Variants in DST observed in about 807,000 individuals in gnomAD.
DST encodes dystonin.
A neutral mutation model predicts 875.2 loss-of-function variants in DST; 253 were observed. The ratio of observed to expected loss-of-function variants is 0.29; its 90% CI spans 0.26 to 0.32. The LOEUF (loss-of-function observed/expected upper bound fraction) is 0.32. Ranked by LOEUF, DST falls within the 10% of genes least tolerant of loss-of-function variation. DST has a pLI of 1.00. For missense variants in DST, 8,287 were observed against 9,111.6 expected, an observed-to-expected ratio of 0.91 and a Z score of 3.68; for synonymous variants, 3,124 against 3,197.1, an observed-to-expected ratio of 0.98 and a Z score of 0.77.
rs1456931955 is a variant in DST, at chr6:56,584,672, A to T, written c.12904-5735T>A. Among the ~76,000 whole-genome samples the T allele has an allele frequency of 2.6e-5, 4 of 151,900 alleles. No individual in the cohort carries two copies. In the South Asian group the frequency reaches 8.3e-4, roughly 31 times the overall value. ...AGAGAGGGCATCCCTGTCTTGTGCC[A>T]GTTTTCAAAGGGAATGCTTCCCGTT... On this transcript the variant is annotated intron_variant, in intron 49 of 103. Coordinates refer to ENST00000680361, the MANE Select transcript of DST (RefSeq NM_001374736.1).
At chr6:56,770,277 G>T (rs1210480102) in intron 4 of DST, among the ~76,000 whole-genome samples, 2 of 152,178 alleles carry the variant, frequency 1.3e-5, no homozygotes, top group Non-Finnish European at 2.9e-5. Context: ...GGTACAGCCA[G>T]GTTTTCAACA....
intron 10 of DST, among the ~76,000 whole-genome samples, chr6:56,657,569 C>T (rs1172673541): frequency 6.6e-6 from 1 of 151,730 alleles, no homozygotes; most frequent in African/African-American, 2.4e-5. Flanking sequence ...TGGTTGTCAA[C>T]GGGTGGGGGG....
Position 56,476,272 on chromosome 6 carries a change from T to C in DST, c.21741A>G (p.Lys7247=), listed in dbSNP as rs147702968. The change falls in exon 92 of 104, where the codon AAA becomes AAG. Residue 7247 remains lysine, a synonymous_variant. Coordinates refer to ENST00000680361, the MANE Select transcript of DST (RefSeq NM_001374736.1). The part of the protein sequence containing the change: ...LASALAGLIA[K]QELLEALLAW... Reference sequence around the variant, plus strand: ...CCAGCAAAGCTTCCAACAATTCCTGTTTGGCAATAAGCCCAGCCAGAGCAC... The same window carrying C: ...CCAGCAAAGCTTCCAACAATTCCTGCTTGGCAATAAGCCCAGCCAGAGCAC... 6.2e-7 allele frequency: 1 copy of C among 1,609,666 alleles called. No individual in the cohort carries two copies. Among genetic ancestry groups the C allele is most frequent in the African/African-American group, 1.3e-5 (1 of 75,008 alleles).
intron 87 of DST, among the ~76,000 whole-genome samples, chr6:56,486,810 G>C (rs1231167722): frequency 6.6e-6 from 1 of 152,174 alleles, no homozygotes; most frequent in East Asian, 1.9e-4. Context: ...TTAAGTCAAA[G>C]AAGTGATAAA....
intron 2 of DST, among the ~76,000 whole-genome samples, chr6:56,949,093 C>G (rs975925408): frequency 6.6e-6 from 1 of 152,152 alleles, no homozygotes; most frequent in Non-Finnish European, 1.5e-5. Flanking sequence ...TGTTATTACC[C>G]TAGTTCCATT....
At position 56,600,174 on chromosome 6, in the gene DST, T is replaced by C. The variant is rs774704605; in HGVS notation, c.11589A>G (p.Ile3863Met). Reference sequence around the variant, plus strand: ...TTTCAGTTTGGGTAAGAAGATCACATATCCCTTGGAGTTTCTCTTTATACT... The same window carrying C: ...TTTCAGTTTGGGTAAGAAGATCACACATCCCTTGGAGTTTCTCTTTATACT... ...QQEYKEKLQGICDLLTQTENR... is the reference protein window; with the variant it reads ...QQEYKEKLQGMCDLLTQTENR... Residue 3863 changes from isoleucine (I) to methionine (M), a missense_variant, in exon 45 of 104, where the codon ATA becomes ATG. This residue lies in a region of DST where 3,138 missense variants were observed against 3,116.6 expected (regional missense o/e 1.01). Coordinates refer to ENST00000680361, the MANE Select transcript of DST (RefSeq NM_001374736.1). The C allele has an allele frequency of 1.2e-6, 2 of 1,612,900 alleles. No homozygotes were observed. The highest frequency in any genetic ancestry group is 2.7e-5 in the African/African-American group (2 of 74,872).
chr6:56,503,627 A>ACACC (rs1478684126), intron 78 of DST, among the ~76,000 whole-genome samples: 1 of 149,434 alleles, frequency 6.7e-6, no homozygotes, highest in Non-Finnish European at 1.5e-5. Flanking sequence ...ACACACACAC[A>ACACC]CCCCATGTCC....
intron 3 of DST, among the ~76,000 whole-genome samples, chr6:56,859,110 G>A (rs1437631995): frequency 6.6e-6 from 1 of 152,122 alleles, no homozygotes; most frequent in African/African-American, 2.4e-5. Context: ...TAGGCCCAAA[G>A]CATGGAAATG....
intron 9 of DST, among the ~76,000 whole-genome samples, chr6:56,684,205 G>A (rs1377927220): frequency 6.6e-6 from 1 of 152,160 alleles, no homozygotes. Context: ...CACAGGAACT[G>A]CCAACTCCAA....
intron 4 of DST, among the ~76,000 whole-genome samples, chr6:56,745,123 G>A (rs974259992): frequency 2.6e-5 from 4 of 152,062 alleles, no homozygotes; most frequent in Admixed American, 2.6e-4. Context: ...TCCTTACCAG[G>A]AAAGTTATCA....
intron 3 of DST, among the ~76,000 whole-genome samples, chr6:56,882,877 TC>T (rs986751133): frequency 6.6e-6 from 1 of 152,120 alleles, no homozygotes; most frequent in Non-Finnish European, 1.5e-5. Context: ...TTTTTTCTTT[TC>T]CCCCCCAAGA....
intron 9 of DST, among the ~76,000 whole-genome samples, chr6:56,698,946 C>T (rs138139635): frequency 2.0e-4 from 30 of 152,284 alleles, no homozygotes; most frequent in African/African-American, 6.5e-4. Context: ...AGTTTTTCAG[C>T]CCATGCCCTT....
Position 56,529,733 on chromosome 6 carries a change from G to A in DST, c.17310C>T (p.His5770=), listed in dbSNP as rs751772852. ...AGGACTGGCCAATGCTAACAGCCTGGTGTAAATGTTTATTGTGATTGATGA... is the reference window on the plus strand; with the variant it reads ...AGGACTGGCCAATGCTAACAGCCTGATGTAAATGTTTATTGTGATTGATGA... ...DDIINHNKHL[H]QAVSIGQSLK... is the part of the protein sequence containing the mutation. Residue 5770 remains histidine (H), a synonymous_variant, in exon 66 of 104, where the codon CAC becomes CAT. Coordinates refer to ENST00000680361, the MANE Select transcript of DST (RefSeq NM_001374736.1). 1.2e-6 allele frequency: 2 copies of A among 1,607,344 alleles called. No homozygotes were observed. Among genetic ancestry groups the A allele is most frequent in the South Asian group, 1.1e-5 (1 of 89,814 alleles).
At chr6:56,940,724 C>T (rs769882670) in intron 2 of DST, among the ~76,000 whole-genome samples, 1 of 151,788 alleles carries the variant, frequency 6.6e-6, no homozygotes, top group South Asian at 2.1e-4. Flanking sequence ...GGACTGCAGG[C>T]GCAAGCCACC....
chr6:56,539,414 T>A (rs1317700274), intron 61 of DST, among the ~76,000 whole-genome samples: 2 of 152,162 alleles, frequency 1.3e-5, no homozygotes, highest in Non-Finnish European at 1.5e-5. Context: ...AAGGCATAAC[T>A]AACAAGAACA....
At chr6:56,744,149 CAAAA>C (rs1197086753) in intron 4 of DST, among the ~76,000 whole-genome samples, 3 of 58,488 alleles carry the variant, frequency 5.1e-5, no homozygotes, top group Non-Finnish European at 7.1e-5. Context: ...AACTCTGTCT[CAAAA>C]AAAAAAAAAA....
chr6:56,468,869 A>G (rs918850835), intron 98 of DST, 113 bp downstream of exon 98: 32 of 790,740 alleles, frequency 4.0e-5, no homozygotes, highest in Middle Eastern at 4.8e-4. Flanking sequence ...CCAACAATGT[A>G]GTAGCTAGGG....
chr6:56,744,059 G>T (rs1174325877), intron 4 of DST, among the ~76,000 whole-genome samples: 2 of 150,714 alleles, frequency 1.3e-5, no homozygotes, highest in Admixed American at 6.7e-5. Context: ...TGAGGCAAGA[G>T]AATTGCTTGA....
At chr6:56,766,983 C>G (rs1019821127) in intron 4 of DST, among the ~76,000 whole-genome samples, 1 of 152,142 alleles carries the variant, frequency 6.6e-6, no homozygotes. Context: ...TCTTAAATAA[C>G]ACAGTAAGGA....
Sources: gnomAD v4.1 joint callset for allele counts (sites outside exome capture counted in the v4.1 genomes callset) on GRCh38, gnomAD v4.1.1 for gene constraint, gnomAD v4.1.1 regional missense constraint, MANE v1.5 for transcripts, NCBI Gene and HGNC (gene_info 2026-07-23, HGNC 2026-07-21) for gene names.